Variants in PDLIM2 observed in about 807,000 individuals in gnomAD.
PDLIM2 encodes PDZ and LIM domain 2, also known as PDZ and LIM domain protein 2.
A neutral mutation model predicts 54.1 loss-of-function variants in PDLIM2; 51 were observed. That is an observed-to-expected ratio of 0.94 (90% confidence interval 0.75 to 1.19). The LOEUF is 1.19. Among genes scored for constraint, PDLIM2 ranks in the 50% most tolerant of loss-of-function variants. The probability of loss-of-function intolerance (pLI) is 0.00; values close to 1 mark genes in which losing one functional copy is unlikely to be tolerated. For synonymous variants in PDLIM2, 398 were observed against 385.6 expected, an observed-to-expected ratio of 1.03 and a Z score of -0.38; for missense variants, 912 against 874.0, an observed-to-expected ratio of 1.04 and a Z score of -0.55.
intron 1 of PDLIM2, 83 bp from the exon 1 acceptor site, chr8:22,580,392 C>G: frequency 7.8e-7 from 1 of 1,275,864 alleles, no homozygotes; most frequent in Non-Finnish European, 1.0e-6. Context: ...AGGGAGAACC[C>G]AGAAGCATGG....
chr8:22,589,196 G>T lies in PDLIM2; in HGVS notation c.1291-102G>T, dbSNP rs1462563283. ...GTCCGCTGGTCGGCGAGGGCCGGGGGCCCCCTGGTGTCGGGCCTGGGAACA... is the reference window on the plus strand; with the variant it reads ...GTCCGCTGGTCGGCGAGGGCCGGGGTCCCCCTGGTGTCGGGCCTGGGAACA... On this transcript the variant is annotated intron_variant, in intron 6 of 9. Coordinates refer to ENST00000308354, the Ensembl canonical transcript of PDLIM2. 2.3e-6 allele frequency: 3 copies of T among 1,290,514 alleles called. No individual in the cohort carries two copies. The Admixed American group carries it at 6.1e-5, about 26-fold the overall frequency. 79.9% of individuals were successfully genotyped at this position (1,290,514 alleles called of 1,614,324 possible).
intron 9 of PDLIM2, chr8:22,593,019 G>A (rs535513178): frequency 1.3e-5 from 2 of 152,412 alleles, no homozygotes; most frequent in East Asian, 1.9e-4. Context: ...GACTACAGGC[G>A]TGTGCCACCA....
chr8:22,591,583 A>G (rs762030790), exon 9 of PDLIM2: 1 of 1,613,578 alleles, frequency 6.2e-7, no homozygotes, highest in Non-Finnish European at 8.5e-7. Context: ...CAGCTCACTG[A>G]GCCCCCAGTC....
intron 1 of PDLIM2, chr8:22,579,665 T>G: frequency 9.4e-7 from 1 of 1,061,704 alleles, no homozygotes; most frequent in Non-Finnish European, 1.3e-6. Flanking sequence ...TCTTGATAGA[T>G]TCTCGCAGCA....
At chr8:22,579,585 C>A in intron 1 of PDLIM2, 1 of 1,413,962 alleles carries the variant, frequency 7.1e-7, no homozygotes, top group Non-Finnish European at 9.2e-7. Context: ...GGGGGCGGTG[C>A]TGGGAACAGA....
At chr8:22,589,924 G>T (rs998840309) in intron 8 of PDLIM2, 183 bp downstream of exon 7, 1 of 665,776 alleles carries the variant, frequency 1.5e-6, no homozygotes, top group African/African-American at 2.4e-5. Context: ...GGTCCGGGAG[G>T]GTCCGGGAGG....
At position 22,584,189 on chromosome 8, in the gene PDLIM2, T is replaced by TA. The variant is rs1264402675; in HGVS notation, c.996-630dup. Among the ~76,000 whole-genome samples the TA allele has an allele frequency of 1.1e-4, 16 of 150,812 alleles. No individual in the cohort carries two copies. In the South Asian group the frequency reaches 1.3e-3, roughly 12 times the overall value. On this transcript the variant is annotated intron_variant, in intron 3 of 9. Coordinates refer to ENST00000308354, the Ensembl canonical transcript of PDLIM2. ...GGCTAAATTTTTTTTTTTTTTTTTT[T>TA]AATTAGAGATGGGGTTTCACCTTGT... is the stretch of plus-strand genomic sequence containing the variant.
exon 10 of PDLIM2, chr8:22,593,915 G>T (rs186534297): frequency 6.5e-7 from 1 of 1,547,754 alleles, no homozygotes; most frequent in African/African-American, 1.4e-5. Flanking sequence ...GCCTGAGCCC[G>T]CCATGCCCTC....
chr8:22,594,804 C>A, downstream of PDLIM2: 1 of 1,243,028 alleles, frequency 8.0e-7, no homozygotes, highest in Non-Finnish European at 1.1e-6. Flanking sequence ...GTGGCTCAGG[C>A]TTTAGGCCCA....
rs746852754 is a variant in PDLIM2 at position 22,580,615 on chromosome 8, C to T, written c.761C>T (p.Thr254Met). Residue 254 changes from threonine to methionine, a missense_variant, in exon 2 of 10, where the codon ACG (threonine) becomes ATG (methionine). Transcript: ENST00000308354. ...CTCTCTTCCTCAGGTATGGCGTTGA[C>T]GGTGGATGTGGCCGGGCCAGCGCCC... 1.2e-4 allele frequency: 196 copies of T among 1,613,912 alleles called. No homozygotes were observed. In the East Asian group the frequency reaches 3.2e-3, roughly 26 times the overall value.
intron 3 of PDLIM2, 106 bp from the exon 3 acceptor site, chr8:22,584,715 G>C (rs1800320125): frequency 9.4e-7 from 1 of 1,065,212 alleles, no homozygotes; most frequent in East Asian, 2.4e-5. Context: ...ATTTTCTGTA[G>C]CTTTTACTGG....
At chr8:22,589,239 T>C in intron 6 of PDLIM2, 59 bp from the exon 6 acceptor site, 3 of 1,516,756 alleles carry the variant, frequency 2.0e-6, no homozygotes, top group Non-Finnish European at 2.7e-6. Context: ...TAGGCCCTCC[T>C]GGGTGTGTTG....
Position 22,591,533 on chromosome 8 carries a change from T to C in PDLIM2, c.1514-18T>C, listed in dbSNP as rs752326667. ...GGTTGGTGGGCTCTCACCACATGTC[T>C]GTCTGCCCTGCCCCCAGGTGGCACG... On this transcript the variant is annotated intron_variant, in intron 8 of 9. Coordinates refer to ENST00000308354, the Ensembl canonical transcript of PDLIM2. 6.2e-7 allele frequency: 1 copy of C among 1,608,982 alleles called. No homozygotes were observed.
chr8:22,578,888 C>A (rs995140309), exon 1 of PDLIM2: 3 of 1,238,196 alleles, frequency 2.4e-6, no homozygotes, highest in Non-Finnish European at 3.0e-6. Flanking sequence ...CTGCTGTGCT[C>A]CGGGCAGTCG....
chr8:22,580,766 C>A, intron 2 of PDLIM2, 69 bp downstream of exon 1: 1 of 1,485,220 alleles, frequency 6.7e-7, no homozygotes, highest in Non-Finnish European at 9.3e-7. Context: ...TCACCCCACT[C>A]TGCACAGATG....
chr8:22,582,911 C>G (rs1586920374), intron 3 of PDLIM2, among the ~76,000 whole-genome samples: 1 of 85,348 alleles, frequency 1.2e-5, no homozygotes. Flanking sequence ...TGATGCCCAC[C>G]CCCCCCCCCG....
At chr8:22,589,526 GC>G (rs1393856016) in intron 7 of PDLIM2, 69 bp from the exon 7 acceptor site, 2 of 1,477,152 alleles carry the variant, frequency 1.4e-6, no homozygotes, top group East Asian at 2.5e-5. Flanking sequence ...CTCTTCTCCT[GC>G]CCCCCACCCC....
At chr8:22,579,385 C>G in exon 1 of PDLIM2, 2 of 1,501,188 alleles carry the variant, frequency 1.3e-6, no homozygotes, top group Non-Finnish European at 1.8e-6. Context: ...TCTCCCCGGC[C>G]GGAGCGCTCC....
chr8:22,585,335 C>T, exon 6 of PDLIM2: 1 of 1,612,986 alleles, frequency 6.2e-7, no homozygotes, highest in Non-Finnish European at 8.5e-7. Flanking sequence ...CAGAGTCTGG[C>T]ATGTTCCCCG....
Sources: allele counts gnomAD v4.1 joint callset (sites outside exome capture counted in the v4.1 genomes callset), GRCh38; gene constraint gnomAD v4.1.1; transcripts MANE v1.5; gene names NCBI Gene and HGNC (gene_info 2026-07-23, HGNC 2026-07-21).